The following ULK4 variants were observed in gnomAD, a reference collection of about 807,000 sequenced individuals.
ULK4 encodes unc-51 like kinase 4.
ULK4 carries 133 observed loss-of-function variants against 160.6 expected under a neutral mutation model. The observed-to-expected ratio is 0.83, with a 90% CI of 0.72 to 0.96. The LOEUF is 0.96. Among genes scored for constraint, ULK4 ranks in the 40% least tolerant of loss-of-function variants. ULK4 has a pLI of 0.00. For synonymous variants in ULK4, 534 were observed against 539.8 expected, an observed-to-expected ratio of 0.99 and a Z score of 0.15; for missense variants, 1,580 against 1,499.5, an observed-to-expected ratio of 1.05 and a Z score of -0.89.
At chr3:41,784,418 G>A (rs561018074) in intron 21 of ULK4, among the ~76,000 whole-genome samples, 2 of 152,140 alleles carry the variant, frequency 1.3e-5, no homozygotes, top group East Asian at 1.9e-4. Context: ...TGGAAATCAA[G>A]CAAAACTCCG....
intron 27 of ULK4, among the ~76,000 whole-genome samples, chr3:41,687,557 T>A (rs992887448): frequency 1.3e-5 from 2 of 152,142 alleles, no homozygotes; most frequent in East Asian, 1.9e-4. Flanking sequence ...TGAAATAAAG[T>A]TATGAACAAA....
At chr3:41,409,700 G>A (rs1300486539) in intron 34 of ULK4, among the ~76,000 whole-genome samples, 3 of 152,118 alleles carry the variant, frequency 2.0e-5, no homozygotes, top group Admixed American at 2.0e-4. Flanking sequence ...TGTAATCCCA[G>A]CACTCTGGGA....
At chr3:41,414,775 G>A (rs1348892790) in intron 34 of ULK4, among the ~76,000 whole-genome samples, 2 of 152,128 alleles carry the variant, frequency 1.3e-5, no homozygotes, top group South Asian at 4.1e-4. Flanking sequence ...CTGATGAATG[G>A]TGGTAATTCC....
At position 41,279,267 on chromosome 3, in the gene ULK4, A is replaced by AAC. The variant is rs1559501588; in HGVS notation, c.3679-29694_3679-29693insGT. ...GAGAAAAAAAGAGTAAAAAAAAAAA[A>AAC]AAAAAAAACAAAACGACAAAGCCTC... On this transcript the variant is annotated intron_variant, in intron 35 of 36. Transcript: ENST00000301831. Among the ~76,000 whole-genome samples the AAC allele has an allele frequency of 2.1e-4, 30 of 145,142 alleles. No individual in the cohort carries two copies. The South Asian group carries it at 3.2e-3, about 16-fold the overall frequency.
In ULK4 at chr3:41,246,847, G is replaced by A; in HGVS notation, c.*82C>T. On this transcript the variant is annotated 3_prime_UTR_variant, in exon 37 of 37. Transcript: ENST00000301831. ...CCAAAGACAGCTGTGAGGGGATGTG[G>A]CAAAGGTGTCTGGGAGCTGACCTTG... 1 of 1,511,132 alleles carries A rather than the reference G, an allele frequency of 6.6e-7. No homozygotes were observed. Among genetic ancestry groups the A allele is most frequent in the Non-Finnish European group, 9.1e-7 (1 of 1,104,150 alleles). The allele number at this position is 1,511,132 out of a possible 1,614,324, so 93.6% of individuals were successfully genotyped here.
chr3:41,734,862 T>C (rs939630189), intron 22 of ULK4, among the ~76,000 whole-genome samples: 1 of 152,150 alleles, frequency 6.6e-6, no homozygotes, highest in African/African-American at 2.4e-5. Context: ...TTAAATGGAT[T>C]GACAGAGGGC....
intron 19 of ULK4, among the ~76,000 whole-genome samples, chr3:41,813,598 A>G (rs888148049): frequency 1.3e-5 from 2 of 152,258 alleles, no homozygotes; most frequent in African/African-American, 4.8e-5. Context: ...TGTTTTAGAC[A>G]CTAATTACCT....
intron 30 of ULK4, among the ~76,000 whole-genome samples, chr3:41,636,697 C>T (rs1187740529): frequency 6.6e-6 from 1 of 151,940 alleles, no homozygotes; most frequent in Non-Finnish European, 1.5e-5. Flanking sequence ...TGCTGGTGCG[C>T]TGCACCCATT....
At chr3:41,382,171 ATACCACATAGTT>A (rs1284491966) in intron 35 of ULK4, among the ~76,000 whole-genome samples, 1 of 152,104 alleles carries the variant, frequency 6.6e-6, no homozygotes, top group African/African-American at 2.4e-5. Flanking sequence ...CCTATGTAAA[ATACCACATAGTT>A]TACTTAATAA....
chr3:41,844,460 T>G (rs1014966992), intron 17 of ULK4, among the ~76,000 whole-genome samples: 7 of 152,056 alleles, frequency 4.6e-5, no homozygotes, highest in Non-Finnish European at 1.0e-4. Flanking sequence ...CCGGCCTGAG[T>G]GCAGGGCGCG....
At chr3:41,384,910 C>T (rs2081765963) in intron 35 of ULK4, among the ~76,000 whole-genome samples, 1 of 152,000 alleles carries the variant, frequency 6.6e-6, no homozygotes, top group African/African-American at 2.4e-5. Context: ...AGAAAATTAG[C>T]TGGGCATGCT....
At chr3:41,376,243 T>C (rs1347760664) in intron 35 of ULK4, among the ~76,000 whole-genome samples, 1 of 150,082 alleles carries the variant, frequency 6.7e-6, no homozygotes, top group Non-Finnish European at 1.5e-5. Context: ...GAACTAGAAA[T>C]ACCATTTGAC....
chr3:41,674,412 C>A (rs1559477115), intron 29 of ULK4, among the ~76,000 whole-genome samples: 1 of 152,190 alleles, frequency 6.6e-6, no homozygotes, highest in Non-Finnish European at 1.5e-5. Flanking sequence ...TCTGCATAAA[C>A]CTTTAAAATT....
intron 35 of ULK4, among the ~76,000 whole-genome samples, chr3:41,298,482 T>C (rs1029372614): frequency 1.3e-5 from 2 of 152,212 alleles, no homozygotes; most frequent in Non-Finnish European, 2.9e-5. Context: ...TTATTGCTAT[T>C]TGGAAACATT....
At chr3:41,708,350 T>C (rs1380862457) in intron 25 of ULK4, among the ~76,000 whole-genome samples, 1 of 152,142 alleles carries the variant, frequency 6.6e-6, no homozygotes, top group East Asian at 1.9e-4. Context: ...GGAATTGTTT[T>C]AAAAAGGAAA....
At chr3:41,421,349 T>C (rs2082660074) in intron 34 of ULK4, among the ~76,000 whole-genome samples, 1 of 152,222 alleles carries the variant, frequency 6.6e-6, no homozygotes, top group African/African-American at 2.4e-5. Context: ...CACTGTTGAC[T>C]AGTAGTGGCA....
intron 25 of ULK4, among the ~76,000 whole-genome samples, chr3:41,710,259 A>G (rs2037046069): frequency 6.6e-6 from 1 of 152,200 alleles, no homozygotes; most frequent in South Asian, 2.1e-4. Context: ...ACCAATTTCA[A>G]TATTTTTTGA....
At chr3:41,779,466 C>A (rs1575694870) in intron 21 of ULK4, among the ~76,000 whole-genome samples, 2 of 15,068 alleles carry the variant, frequency 1.3e-4, no homozygotes, top group Non-Finnish European at 2.3e-4. Context: ...ACCATTTGAC[C>A]CAGCCATCCC....
intron 5 of ULK4, among the ~76,000 whole-genome samples, chr3:41,926,897 G>A (rs1346246493): frequency 6.6e-6 from 1 of 152,192 alleles, no homozygotes; most frequent in Non-Finnish European, 1.5e-5. Context: ...GTGATGGAGA[G>A]AATGGAACCA....
Sources: allele counts gnomAD v4.1 joint callset (sites outside exome capture counted in the v4.1 genomes callset), GRCh38; gene constraint gnomAD v4.1.1; transcripts MANE v1.5; gene names NCBI Gene and HGNC (gene_info 2026-07-23, HGNC 2026-07-21).